Variants in ATP2B2 observed in about 807,000 individuals in gnomAD.
ATP2B2 encodes the protein ATPase plasma membrane Ca2+ transporting 2.
Under a neutral mutation model 120.0 loss-of-function variants are expected in ATP2B2, and 15 were observed. The observed-to-expected ratio is 0.12, with a 90% confidence interval of 0.08 to 0.19. The LOEUF (loss-of-function observed/expected upper bound fraction) is 0.19, where lower values mean the gene tolerates loss of function less well. Ranked by LOEUF, ATP2B2 falls within the 10% of genes least tolerant of loss-of-function variation. The pLI is 1.00. For missense variants in ATP2B2, 1,045 were observed against 1,719.8 expected (o/e 0.61, Z 6.94); for synonymous variants, 694 against 700.3 (o/e 0.99, Z 0.14).
rs1029024704 is a variant in ATP2B2, at chr3:10,473,343, A to G, written c.-319-23481T>C. The stretch of plus-strand genomic sequence containing the variant: ...GGAAGACAGACTGAAAAGTGCTATG[A>G]AGAGCAGGCCAGGTGTGGCGGCTCA... On this transcript the variant is annotated intron_variant, in intron 1 of 22. Transcript: ENST00000360273. 2.6e-5 allele frequency among the ~76,000 whole-genome samples: 4 copies of G among 152,234 alleles called. 1 individual carries two copies. Among genetic ancestry groups the G allele is most frequent in the Non-Finnish European group, 5.9e-5 (4 of 68,040 alleles).
chr3:10,423,246 C>T (rs2063044714), intron 2 of ATP2B2, among the ~76,000 whole-genome samples: 1 of 152,186 alleles, frequency 6.6e-6, no homozygotes, highest in African/African-American at 2.4e-5. Context: ...AATCTGGCCA[C>T]CCATCCCTAA....
intron 2 of ATP2B2, among the ~76,000 whole-genome samples, chr3:10,416,455 C>T (rs929852502): frequency 3.3e-5 from 5 of 152,094 alleles, no homozygotes; most frequent in South Asian, 2.1e-4. Flanking sequence ...TTGGTCTGCC[C>T]GGTGTTTTTA....
intron 14 of ATP2B2, 39 bp from the exon 15 acceptor site, chr3:10,350,616 C>T (rs750132586): frequency 1.9e-6 from 3 of 1,594,644 alleles, no homozygotes; most frequent in Non-Finnish European, 8.5e-7. Flanking sequence ...AGGGCACCAC[C>T]TCAGGCAGAC....
rs187229075 is a variant in ATP2B2, at chr3:10,330,683, G to A, written c.3421-1558C>T. The stretch of plus-strand genomic sequence containing the variant: ...GACTGGACGAGACGGTCGTGGGGAG[G>A]CCCCTGAAGTCCCAGGACTTGAGCT... On this transcript the variant is annotated intron_variant, in intron 22 of 22. Coordinates refer to ENST00000360273, the MANE Select transcript of ATP2B2 (RefSeq NM_001001331.4). 3.6e-4 allele frequency among the ~76,000 whole-genome samples: 55 copies of A among 152,348 alleles called. 1 individual carries two copies. The East Asian group carries it at 0.01, about 29-fold the overall frequency.
At position 10,342,106 on chromosome 3, in the gene ATP2B2, A is replaced by G. The variant is rs900541548; in HGVS notation, c.2917+646T>C. On this transcript the variant is annotated intron_variant, in intron 19 of 22. Coordinates refer to ENST00000360273, the MANE Select transcript of ATP2B2 (RefSeq NM_001001331.4). This position sits in a 1 kb window ranked among gnomAD's most constrained non-coding sequence, Gnocchi z 4.4. The stretch of plus-strand genomic sequence containing the variant: ...GCTTTGTTGGGATTGCCTCCGAAGC[A>G]TCTGTGGAAACCAGGCCAGTCTTGG... Among the ~76,000 whole-genome samples, 1 of 152,198 alleles carries G rather than the reference A, an allele frequency of 6.6e-6. No individual in the cohort carries two copies. The highest frequency in any genetic ancestry group is 1.5e-5 in the Non-Finnish European group (1 of 68,032).
chr3:10,653,357 T>C (rs528646861), intron 1 of ATP2B2, among the ~76,000 whole-genome samples: 17 of 152,318 alleles, frequency 1.1e-4, no homozygotes, highest in African/African-American at 3.8e-4. Context: ...CAGTCTTCAT[T>C]GGCTGTGGGT....
At chr3:10,451,306 G>C (rs560773209) in intron 1 of ATP2B2, among the ~76,000 whole-genome samples, 23 of 152,194 alleles carry the variant, frequency 1.5e-4, no homozygotes, top group Non-Finnish European at 2.9e-4. Context: ...CAGCCGCTAA[G>C]AACACAGTAT....
Position 10,402,432 on chromosome 3 carries a change from C to A in ATP2B2, c.398-84G>T, listed in dbSNP as rs2062253693. ...GGCCTGGATTTACAGCTCAGCTCTG[C>A]AAAGTAACAAGTGTTAAGAATCAGA... is the stretch of plus-strand genomic sequence containing the variant. On this transcript the variant is annotated intron_variant, in intron 3 of 22. Coordinates refer to ENST00000360273, the MANE Select transcript of ATP2B2 (RefSeq NM_001001331.4). The surrounding 1 kb of genome is among the most constrained non-coding windows in gnomAD (Gnocchi z 4.9). The A allele has an allele frequency of 2.6e-6, 4 of 1,562,542 alleles. No individual in the cohort carries two copies. The highest frequency in any genetic ancestry group is 3.3e-5 in the Admixed American group (2 of 59,930).
intron 2 of ATP2B2, among the ~76,000 whole-genome samples, chr3:10,583,238 T>C (rs186722518): frequency 2.0e-5 from 3 of 152,328 alleles, no homozygotes; most frequent in East Asian, 1.9e-4. Context: ...CTTGGAAGGA[T>C]TGCATTCTGT....
In ATP2B2 at chr3:10,342,433, C is replaced by T. The variant is rs771861307; in HGVS notation, c.2917+319G>A. 7.9e-5 allele frequency among the ~76,000 whole-genome samples: 12 copies of T among 152,220 alleles called. No individual in the cohort carries two copies. Among genetic ancestry groups the T allele is most frequent in the Non-Finnish European group, 1.2e-4 (8 of 68,034 alleles). On this transcript the variant is annotated intron_variant, in intron 19 of 22. Coordinates refer to ENST00000360273, the MANE Select transcript of ATP2B2 (RefSeq NM_001001331.4). The surrounding 1 kb of genome is among the most constrained non-coding windows in gnomAD (Gnocchi z 4.4). The stretch of plus-strand genomic sequence containing the variant: ...AGGGGTGAGTCACTCCCCTCCCAGC[C>T]TCAGGTGCCTCTGGGGCTGCCATGC...
intron 14 of ATP2B2, among the ~76,000 whole-genome samples, chr3:10,350,854 C>T (rs1371809325): frequency 2.0e-5 from 3 of 152,192 alleles, no homozygotes; most frequent in African/African-American, 4.8e-5. Flanking sequence ...CATGACGGTC[C>T]ATCCTGAGAC....
At chr3:10,695,347 T>C (rs1260699945) in intron 1 of ATP2B2, among the ~76,000 whole-genome samples, 2 of 151,914 alleles carry the variant, frequency 1.3e-5, no homozygotes, top group African/African-American at 4.8e-5. Flanking sequence ...TTATTCACTA[T>C]CATGAGAACA....
In ATP2B2 at chr3:10,326,601, A is replaced by G; in HGVS notation, c.*2213T>C. On this transcript the variant is annotated 3_prime_UTR_variant, in exon 23 of 23. Transcript: ENST00000360273. Reference sequence around the variant, plus strand: ...GCAGATCTTTCCTTCCTTGTAGGAGAGCAGTGGGCTGGCTTTGGTGGCGTT... The same window carrying G: ...GCAGATCTTTCCTTCCTTGTAGGAGGGCAGTGGGCTGGCTTTGGTGGCGTT... The G allele has an allele frequency of 7.5e-6, 3 of 398,146 alleles. No individual in the cohort carries two copies. The highest frequency in any genetic ancestry group is 1.3e-5 in the Non-Finnish European group (3 of 226,010). The allele number at this position is 398,146 out of a possible 1,614,324, so 24.7% of individuals were successfully genotyped here.
chr3:10,556,024 G>C (rs2067770644), intron 2 of ATP2B2, among the ~76,000 whole-genome samples: 1 of 152,168 alleles, frequency 6.6e-6, no homozygotes. Context: ...TCAGCCTCCT[G>C]AGTAGCTGGG....
At chr3:10,332,177 T>A in intron 22 of ATP2B2, 1 of 748,198 alleles carries the variant, frequency 1.3e-6, no homozygotes, top group Non-Finnish European at 2.4e-6. Context: ...CTTTCTTCCC[T>A]TTTTGTTGTC....
chr3:10,564,091 C>T (rs1262845801), intron 2 of ATP2B2, among the ~76,000 whole-genome samples: 1 of 152,220 alleles, frequency 6.6e-6, no homozygotes, highest in Non-Finnish European at 1.5e-5. Context: ...ACAACCAGAT[C>T]CATTCTAGGT....
chr3:10,578,602 T>C lies in ATP2B2; in HGVS notation c.-415+41315A>G, dbSNP rs540856051. Among the ~76,000 whole-genome samples, 13 of 151,514 alleles carry C rather than the reference T, an allele frequency of 8.6e-5. No individual in the cohort carries two copies. The East Asian group carries it at 2.1e-3, about 25-fold the overall frequency. Reference sequence around the variant, plus strand: ...TATGTATATGACCACCAAAGACTTATACACAGATATTCATAGAGACTTAAT... The same window carrying C: ...TATGTATATGACCACCAAAGACTTACACACAGATATTCATAGAGACTTAAT... On this transcript the variant is annotated intron_variant, in intron 2 of 21. Coordinates refer to the ATP2B2 transcript ENST00000646379.
At chr3:10,370,165 T>C in intron 12 of ATP2B2, among the ~76,000 whole-genome samples, 1 of 152,242 alleles carries the variant, frequency 6.6e-6, no homozygotes, top group East Asian at 1.9e-4. Flanking sequence ...CACTGCTTAA[T>C]TGAGACTCAT....
intron 2 of ATP2B2, among the ~76,000 whole-genome samples, chr3:10,595,867 C>T (rs1304378258): frequency 6.6e-6 from 1 of 152,152 alleles, no homozygotes; most frequent in African/African-American, 2.4e-5. Flanking sequence ...GACCCCTGCC[C>T]AGCAATCTGA....
Sources: allele counts gnomAD v4.1 joint callset (sites outside exome capture counted in the v4.1 genomes callset), GRCh38; gene constraint gnomAD v4.1.1; non-coding constraint Gnocchi (gnomAD v3.1); transcripts MANE v1.5; gene names NCBI Gene and HGNC (gene_info 2026-07-23, HGNC 2026-07-21).